Variants in SIGLEC5 observed in about 807,000 individuals in gnomAD.
The protein encoded by SIGLEC5 is sialic acid-binding Ig-like lectin 5.
In SIGLEC5, 34 loss-of-function variants were observed where a neutral mutation model predicts 45.9. The observed-to-expected ratio is 0.74, with a 90% confidence interval of 0.56 to 0.99. SIGLEC5 has a LOEUF of 0.99. Among genes scored for constraint, SIGLEC5 ranks in the 50% least tolerant of loss-of-function variants. The probability of loss-of-function intolerance (pLI) is 0.00; values close to 1 mark genes in which losing one functional copy is unlikely to be tolerated. For synonymous variants in SIGLEC5, 203 were observed against 258.6 expected (o/e 0.79, Z 2.06); for missense variants, 508 against 629.6 (o/e 0.81, Z 2.07).
chr19:51,625,995 G>A lies in SIGLEC5; in HGVS notation c.1464+37C>T, dbSNP rs369568422. ...GAAGAGCTCAGCCTGGACTTTCCGA[G>A]TGGACATGCACATGAGAAGATCCCC... On this transcript the variant is annotated intron_variant, in intron 8 of 8. Transcript: ENST00000683636. 69 of 1,556,556 alleles carry A rather than the reference G, an allele frequency of 4.4e-5. No individual in the cohort carries two copies. The African/African-American group carries it at 7.7e-4, about 17-fold the overall frequency.
At chr19:51,629,185 G>A in intron 3 of SIGLEC5, 109 bp from the exon 4 acceptor site, 1 of 1,518,810 alleles carries the variant, frequency 6.6e-7, no homozygotes, top group Non-Finnish European at 9.0e-7. Flanking sequence ...GGGGAAGGCT[G>A]TCCTGTCTCA....
chr19:51,628,068 A>C lies in SIGLEC5; in HGVS notation c.763T>G (p.Ser255Ala). 6.4e-7 allele frequency: 1 copy of C among 1,556,964 alleles called. No homozygotes were observed. Among genetic ancestry groups the C allele is most frequent in the Non-Finnish European group, 8.7e-7 (1 of 1,151,838 alleles). ...GIALEILQNT[S>A]YLPVLEGQAL... ...TGGCCCTCCAGGACCGGAAGGTATGAGGTGTTTTGCAGGATCTCTAGGGCT... is the reference window on the plus strand; with the variant it reads ...TGGCCCTCCAGGACCGGAAGGTATGCGGTGTTTTGCAGGATCTCTAGGGCT... The change falls in exon 5 of 9, where the codon TCA becomes GCA. Residue 255 changes from serine to alanine, a missense_variant. Coordinates refer to ENST00000683636, the MANE Select transcript of SIGLEC5 (RefSeq NM_003830.4).
chr19:51,614,884 C>T (rs1982995588), intron 8 of SIGLEC5, among the ~76,000 whole-genome samples: 1 of 152,186 alleles, frequency 6.6e-6, no homozygotes, highest in Non-Finnish European at 1.5e-5. Flanking sequence ...TCCCTGTGAG[C>T]TTGCCACTTT....
intron 4 of SIGLEC5, 140 bp from the exon 5 acceptor site, chr19:51,628,231 A>G (rs1983579256): frequency 1.0e-6 from 1 of 986,784 alleles, no homozygotes; most frequent in Non-Finnish European, 1.4e-6. Context: ...CCTGGTTCAA[A>G]GGCTGGGCCT....
At chr19:51,616,098 G>C (rs926362858) in intron 8 of SIGLEC5, among the ~76,000 whole-genome samples, 8 of 152,098 alleles carry the variant, frequency 5.3e-5, no homozygotes, top group African/African-American at 1.9e-4. Context: ...CTTTGGCTCA[G>C]TAAGCCTGAC....
At chr19:51,617,356 C>T (rs905819407) in intron 8 of SIGLEC5, among the ~76,000 whole-genome samples, 1 of 151,732 alleles carries the variant, frequency 6.6e-6, no homozygotes, top group African/African-American at 2.4e-5. Flanking sequence ...GAAAGGGCCC[C>T]ACGAGTGCAA....
chr19:51,627,120 C>T (rs370649249), intron 7 of SIGLEC5, 29 bp downstream of exon 7: 2 of 1,571,500 alleles, frequency 1.3e-6, no homozygotes, highest in Admixed American at 1.7e-5. Context: ...CAAACACCAC[C>T]CTGTACCTTC....
intron 8 of SIGLEC5, among the ~76,000 whole-genome samples, chr19:51,620,758 A>T (rs1008611221): frequency 1.3e-5 from 2 of 152,222 alleles, no homozygotes; most frequent in Admixed American, 1.3e-4. Flanking sequence ...CTTAGGACAA[A>T]GGGAAGAAAT....
rs778286833 is a variant in SIGLEC5 at position 51,627,640 on chromosome 19, C to G, written c.1104G>C (p.Glu368Asp). 1 of 1,611,834 alleles carries G rather than the reference C, an allele frequency of 6.2e-7. No homozygotes were observed. Among genetic ancestry groups the G allele is most frequent in the Admixed American group, 1.7e-5 (1 of 59,780 alleles). The change falls in exon 6 of 9, where the codon GAG (glutamate) becomes GAC (aspartate). Residue 368 changes from glutamate to aspartate, a missense_variant. By Grantham distance (45) the Glu-to-Asp change is conservative. This residue lies in a region of SIGLEC5 where 431 missense variants were observed against 428.8 expected (regional missense o/e 1.01). Transcript: ENST00000683636. ...RPAPSLCWRL[E>D]EKPLEGNSSQ... is the part of the protein sequence containing the mutation. ...TGCTGTTCCCCTCCAGCGGCTTCTC[C>G]TCAAGCCGCCAGCACAGGGAGGGGG...
At chr19:51,614,879 G>A in intron 8 of SIGLEC5, among the ~76,000 whole-genome samples, 1 of 152,196 alleles carries the variant, frequency 6.6e-6, no homozygotes, top group East Asian at 1.9e-4. Flanking sequence ...TGAGCTCCCT[G>A]TGAGCTTGCC....
intron 8 of SIGLEC5, among the ~76,000 whole-genome samples, chr19:51,624,928 C>T (rs537908504): frequency 6.6e-6 from 1 of 151,850 alleles, no homozygotes; most frequent in Non-Finnish European, 1.5e-5. Flanking sequence ...TGCGCCAGTG[C>T]ACTCCAGCCT....
At chr19:51,628,696 T>C (rs530284867) in intron 4 of SIGLEC5, among the ~76,000 whole-genome samples, 1 of 146,010 alleles carries the variant, frequency 6.8e-6, no homozygotes, top group South Asian at 2.2e-4. Context: ...GCCTGTGTGG[T>C]GTATGTGTGT....
chr19:51,625,836 CA>C (rs938893125), intron 8 of SIGLEC5, among the ~76,000 whole-genome samples, 195 bp downstream of exon 8: 1 of 152,018 alleles, frequency 6.6e-6, no homozygotes, highest in African/African-American at 2.4e-5. Context: ...ATCTCAAAAA[CA>C]AACAAACAAA....
intron 8 of SIGLEC5, among the ~76,000 whole-genome samples, chr19:51,614,352 C>T (rs1000075807): frequency 6.6e-6 from 1 of 152,126 alleles, no homozygotes; most frequent in African/African-American, 2.4e-5. Flanking sequence ...CCAGGTTGGT[C>T]TCAAACTCCT....
Position 51,629,817 on chromosome 19 carries a change from G to T in SIGLEC5, c.421+16C>A. On this transcript the variant is annotated intron_variant, in intron 2 of 8. Transcript: ENST00000683636. ...TCTCCACGTCCCAGGGTCCTCTCCT[G>T]GGGTCCCTGCCATACCTGTCACCTC... 1.6e-6 allele frequency: 2 copies of T among 1,234,350 alleles called. No homozygotes were observed. The highest frequency in any genetic ancestry group is 1.2e-5 in the South Asian group (1 of 81,126). 76.5% of individuals were successfully genotyped at this position (1,234,350 alleles called of 1,614,324 possible).
At chr19:51,620,005 A>G (rs1028110786) in intron 8 of SIGLEC5, among the ~76,000 whole-genome samples, 1 of 151,872 alleles carries the variant, frequency 6.6e-6, no homozygotes, top group Non-Finnish European at 1.5e-5. Flanking sequence ...AGTAATCTCG[A>G]CAAAAACAAA....
rs1401536900 is a variant in SIGLEC5, at chr19:51,627,488, T to C, written c.1256A>G (p.Gln419Arg). The C allele has an allele frequency of 6.2e-7, 1 of 1,613,944 alleles. No homozygotes were observed. ...SCKAWNIYGS[Q>R]SGSVLLLQGR... is the part of the protein sequence containing the mutation. Reference sequence around the variant, plus strand: ...TTGCAGCAGCAGGACAGAGCCGCTCTGGGACCCATAGATGTTCCAGGCCTT... The same window carrying C: ...TTGCAGCAGCAGGACAGAGCCGCTCCGGGACCCATAGATGTTCCAGGCCTT... Residue 419 changes from glutamine to arginine, a missense_variant, in exon 6 of 9, where the codon CAG (glutamine) becomes CGG (arginine). Physicochemically the swap from Gln to Arg is conservative, Grantham distance 43 (BLOSUM62 1). Coordinates refer to ENST00000683636, the MANE Select transcript of SIGLEC5 (RefSeq NM_003830.4).
chr19:51,620,058 A>AATATAT (rs146205373), intron 8 of SIGLEC5, among the ~76,000 whole-genome samples: 9,179 of 149,018 alleles, frequency 0.062, 684 homozygotes, highest in East Asian at 0.44. Flanking sequence ...CTTTTGTCAA[A>AATATAT]ATATATATAT....
At chr19:51,619,578 TTTAAGA>T in intron 8 of SIGLEC5, among the ~76,000 whole-genome samples, 1 of 152,204 alleles carries the variant, frequency 6.6e-6, no homozygotes, top group African/African-American at 2.4e-5. Context: ...TCCCAAATAA[TTTAAGA>T]TTCAAAGAAG....
Sources: allele counts gnomAD v4.1 joint callset (sites outside exome capture counted in the v4.1 genomes callset), GRCh38; gene constraint gnomAD v4.1.1; regional missense constraint gnomAD v4.1.1; transcripts MANE v1.5; gene names NCBI Gene and HGNC (gene_info 2026-07-23, HGNC 2026-07-21).